RABGAP1L: variants seen among roughly 807,000 people sequenced by gnomAD.
The protein encoded by RABGAP1L is rab GTPase-activating protein 1-like.
Under a neutral mutation model 137.7 loss-of-function variants are expected in RABGAP1L, and 63 were observed. The observed-to-expected ratio is 0.46, with a 90% CI of 0.37 to 0.56. The LOEUF (loss-of-function observed/expected upper bound fraction) is 0.56. Ranked by LOEUF, RABGAP1L falls within the 20% of genes least tolerant of loss-of-function variation. The probability of loss-of-function intolerance (pLI) is 0.00; values close to 1 mark genes in which losing one functional copy is unlikely to be tolerated. For synonymous variants in RABGAP1L, 431 were observed against 433.7 expected (o/e 0.99, Z 0.08); for missense variants, 1,095 against 1,244.0 (o/e 0.88, Z 1.80).
At chr1:174,299,076 A>T (rs1265544894) in intron 10 of RABGAP1L, among the ~76,000 whole-genome samples, 1 of 152,234 alleles carries the variant, frequency 6.6e-6, no homozygotes, top group Non-Finnish European at 1.5e-5. Flanking sequence ...CATAGGACTG[A>T]GTGGTTTGCA....
intron 19 of RABGAP1L, among the ~76,000 whole-genome samples, chr1:174,901,056 T>C (rs1658060913): frequency 6.6e-6 from 1 of 152,234 alleles, no homozygotes; most frequent in Non-Finnish European, 1.5e-5. Context: ...CTTCAAGCTC[T>C]GAAATTCTTT....
intron 13 of RABGAP1L, among the ~76,000 whole-genome samples, chr1:174,433,136 T>C (rs1652840287): frequency 6.6e-6 from 1 of 152,188 alleles, no homozygotes; most frequent in African/African-American, 2.4e-5. Context: ...GAAGCTGAGA[T>C]ACATGGAGAG....
chr1:174,273,487 G>A (rs1674723159), intron 8 of RABGAP1L, among the ~76,000 whole-genome samples: 2 of 151,652 alleles, frequency 1.3e-5, no homozygotes, highest in Admixed American at 1.3e-4. Flanking sequence ...GGTCAGGTAA[G>A]GAAAACCAGT....
intron 13 of RABGAP1L, among the ~76,000 whole-genome samples, chr1:174,561,278 A>T (rs937033232): frequency 6.6e-6 from 1 of 152,196 alleles, no homozygotes; most frequent in Non-Finnish European, 1.5e-5. Flanking sequence ...AAGAGAATAA[A>T]ATACCTAGGA....
intron 11 of RABGAP1L, among the ~76,000 whole-genome samples, chr1:174,357,551 A>T (rs1683740647): frequency 6.6e-6 from 1 of 152,220 alleles, no homozygotes; most frequent in African/African-American, 2.4e-5. Flanking sequence ...AATGTTGTAG[A>T]TATTAAACAC....
At chr1:174,350,963 G>T (rs1446015351) in intron 11 of RABGAP1L, among the ~76,000 whole-genome samples, 1 of 77,868 alleles carries the variant, frequency 1.3e-5, no homozygotes, top group East Asian at 2.7e-4. Flanking sequence ...GCCTGCAATC[G>T]CAGGCATTCG....
At chr1:174,647,854 T>C (rs898018020) in intron 14 of RABGAP1L, among the ~76,000 whole-genome samples, 20 of 152,262 alleles carry the variant, frequency 1.3e-4, no homozygotes, top group African/African-American at 4.6e-4. Context: ...ATTTGGTTGG[T>C]AGGCTATTAA....
chr1:174,313,129 G>A (rs1004290770), intron 11 of RABGAP1L, among the ~76,000 whole-genome samples: 6 of 152,092 alleles, frequency 3.9e-5, no homozygotes, highest in South Asian at 2.1e-4. Flanking sequence ...AGGTTTCACC[G>A]TGCTAGGCAG....
At chr1:174,832,026 T>C (rs1271130639) in intron 19 of RABGAP1L, among the ~76,000 whole-genome samples, 1 of 147,678 alleles carries the variant, frequency 6.8e-6, no homozygotes, top group Admixed American at 6.8e-5. Context: ...GGTGCGGTGG[T>C]TCATGCCTAT....
intron 14 of RABGAP1L, among the ~76,000 whole-genome samples, chr1:174,681,654 C>G (rs551654501): frequency 1.2e-4 from 19 of 152,248 alleles, no homozygotes; most frequent in Admixed American, 1.2e-3. Flanking sequence ...GCTCAAGGAA[C>G]TGTACAATTA....
intron 18 of RABGAP1L, among the ~76,000 whole-genome samples, chr1:174,763,600 A>G (rs1252525093): frequency 1.3e-4 from 17 of 127,072 alleles, no homozygotes; most frequent in South Asian, 2.8e-4. Context: ...GCAGTGAGCC[A>G]AGATCGCGCC....
intron 7 of RABGAP1L, among the ~76,000 whole-genome samples, chr1:174,253,975 T>C (rs1672913985): frequency 6.6e-6 from 1 of 152,156 alleles, no homozygotes; most frequent in Non-Finnish European, 1.5e-5. Context: ...TCCCTCTGTC[T>C]TCCCTCCAGT....
intron 13 of RABGAP1L, among the ~76,000 whole-genome samples, chr1:174,492,314 G>A (rs1221651789): frequency 1.3e-5 from 2 of 149,934 alleles, no homozygotes; most frequent in Non-Finnish European, 3.0e-5. Flanking sequence ...CCGAGTAGCT[G>A]GGATTACAGG....
chr1:174,461,684 T>A (rs1330616036), intron 13 of RABGAP1L, among the ~76,000 whole-genome samples: 2 of 152,216 alleles, frequency 1.3e-5, no homozygotes, highest in African/African-American at 4.8e-5. Flanking sequence ...ATGGTTGGAC[T>A]GAAGATTACT....
chr1:174,474,031 A>G (rs1369257670), intron 13 of RABGAP1L, among the ~76,000 whole-genome samples: 2 of 152,144 alleles, frequency 1.3e-5, no homozygotes, highest in African/African-American at 2.4e-5. Context: ...ATTTTGTTTT[A>G]TACATAAATG....
chr1:174,675,731 G>A (rs1677572945), intron 14 of RABGAP1L, among the ~76,000 whole-genome samples: 1 of 152,120 alleles, frequency 6.6e-6, no homozygotes, highest in Admixed American at 6.6e-5. Context: ...AGATGTCATG[G>A]AATCTATGTG....
intron 1 of RABGAP1L, among the ~76,000 whole-genome samples, chr1:174,163,649 T>TA (rs945121555): frequency 4.7e-4 from 71 of 151,714 alleles, no homozygotes; most frequent in African/African-American, 1.5e-3. Flanking sequence ...CAATTCTTTA[T>TA]AAATACTCAT....
At chr1:174,458,415 C>T (rs1656287661) in intron 13 of RABGAP1L, among the ~76,000 whole-genome samples, 1 of 151,830 alleles carries the variant, frequency 6.6e-6, no homozygotes, top group South Asian at 2.1e-4. Flanking sequence ...ATGCTACTCA[C>T]AGTAGAATGT....
chr1:174,720,270 TA>T, intron 17 of RABGAP1L, among the ~76,000 whole-genome samples: 1 of 131,138 alleles, frequency 7.6e-6, no homozygotes, highest in African/African-American at 3.8e-5. Flanking sequence ...GATAGATAGA[TA>T]GATAGATAGA....
Sources: allele counts gnomAD v4.1 joint callset (sites outside exome capture counted in the v4.1 genomes callset), GRCh38; gene constraint gnomAD v4.1.1; transcripts MANE v1.5; gene names NCBI Gene and HGNC (gene_info 2026-07-23, HGNC 2026-07-21).